RUFY4: variants seen among roughly 807,000 people sequenced by gnomAD.
The protein encoded by RUFY4 is RUN and FYVE domain containing 4, also known as RUN and FYVE domain-containing protein 4.
In RUFY4, 73 loss-of-function variants were observed where a neutral mutation model predicts 69.0. The ratio of observed to expected loss-of-function variants is 1.06; its 90% CI spans 0.88 to 1.29. The LOEUF is 1.29. Among genes scored for constraint, RUFY4 ranks in the 50% most tolerant of loss-of-function variants. The pLI is 0.00. For missense variants in RUFY4, 770 were observed against 705.6 expected (o/e 1.09, Z -1.03); for synonymous variants, 287 against 271.8 (o/e 1.06, Z -0.55).
chr2:218,055,131 A>G (rs1421668253), intron 2 of RUFY4, among the ~76,000 whole-genome samples: 2 of 152,246 alleles, frequency 1.3e-5, no homozygotes, highest in Non-Finnish European at 2.9e-5. Context: ...ACATTGGCTC[A>G]TGCCTGTAAT....
upstream of RUFY4, among the ~76,000 whole-genome samples, chr2:218,066,080 T>G (rs1431783232): frequency 6.6e-6 from 1 of 151,110 alleles, no homozygotes; most frequent in African/African-American, 2.4e-5. Flanking sequence ...GAGACACAGG[T>G]GCAGAGAAAT....
At chr2:218,090,508 T>C (rs1690008481) in exon 11 of RUFY4, 1 of 168,232 alleles carries the variant, frequency 5.9e-6, no homozygotes, top group Non-Finnish European at 1.3e-5. Flanking sequence ...TTCAGGGATC[T>C]GTGTTTGTGT....
rs749427186 is a variant in RUFY4, at chr2:218,060,783, A to T, written c.-1071+2102A>T. On this transcript the variant is annotated intron_variant and NMD_transcript_variant, in intron 3 of 13. Transcript: ENST00000457754. ...GATGAAGCCAAAGGACTGGGGCAGG[A>T]TCCGTAACAGCATCCACCAGTTTGC... The T allele has an allele frequency of 1.0e-5, 16 of 1,576,978 alleles. 1 individual carries two copies. The highest frequency in any genetic ancestry group is 2.2e-5 in the East Asian group (1 of 44,620).
At chr2:218,078,376 G>A (rs1409684738) in intron 8 of RUFY4, among the ~76,000 whole-genome samples, 1 of 152,218 alleles carries the variant, frequency 6.6e-6, no homozygotes. Flanking sequence ...GTTCCAGGCT[G>A]CGAGAACAGC....
Position 218,082,893 on chromosome 2 carries a change from G to A in RUFY4, c.1356-217G>A, listed in dbSNP as rs370630283. On this transcript the variant is annotated intron_variant, in intron 8 of 10. Coordinates refer to ENST00000344321, the Ensembl canonical transcript of RUFY4. ...TGTAAGTGTGTCTTCTGTGTTGTGC[G>A]TATGTGTTCTGTTATACTATGTGTG... Among the ~76,000 whole-genome samples, 25 of 3,562 alleles carry A rather than the reference G, an allele frequency of 7.0e-3. No homozygotes were observed. The East Asian group carries it at 0.11, about 16-fold the overall frequency. 2.3% of individuals were successfully genotyped at this position (3,562 alleles called of 152,430 possible).
rs77844068 is a variant in RUFY4, at chr2:218,075,673, A to G, written c.1181A>G (p.Gln394Arg). 12,330 of 1,492,568 alleles carry G rather than the reference A, an allele frequency of 8.3e-3. 877 individuals are homozygous for G. In the African/African-American group the frequency reaches 0.16, roughly 19 times the overall value. 92.5% of individuals were successfully genotyped at this position (1,492,568 alleles called of 1,614,324 possible). ...TCTACCGTGGAGAATCCACAAGTGC[A>G]AACAGAAGTGACCCTTGTGGCCAGA... The change falls in exon 7 of 11, where the codon CAA (glutamine) becomes CGA (arginine). Residue 394 changes from glutamine (Q) to arginine (R), a missense_variant. Gln to Arg is a conservative substitution (Grantham distance 43). Coordinates refer to ENST00000344321, the Ensembl canonical transcript of RUFY4.
At chr2:218,065,940 T>G (rs1183668989), upstream of RUFY4, among the ~76,000 whole-genome samples, 1 of 150,238 alleles carries the variant, frequency 6.7e-6, no homozygotes, top group African/African-American at 2.5e-5. Flanking sequence ...TGGCTGCCCC[T>G]CCTTCAGCCA....
chr2:218,075,760 A>G lies in RUFY4; in HGVS notation c.1248+20A>G. The G allele has an allele frequency of 7.2e-7, 1 of 1,381,566 alleles. No individual in the cohort carries two copies. The highest frequency in any genetic ancestry group is 2.3e-5 in the South Asian group (1 of 43,142). The allele number at this position is 1,381,566 out of a possible 1,614,324, so 85.6% of individuals were successfully genotyped here. On this transcript the variant is annotated intron_variant, in intron 7 of 10. Transcript: ENST00000344321. ...ATCAAGGTGAGAACAGTTGAGCTCC[A>G]TACCTGGTTATTTGCCCCTGTCTGA...
At chr2:218,083,841 C>T (rs1689827606) in intron 9 of RUFY4, among the ~76,000 whole-genome samples, 1 of 151,630 alleles carries the variant, frequency 6.6e-6, no homozygotes, top group Non-Finnish European at 1.5e-5. Flanking sequence ...CCAGACCCAC[C>T]CCCACATACA....
intron 9 of RUFY4, among the ~76,000 whole-genome samples, chr2:218,084,237 T>C (rs1487104299): frequency 6.6e-6 from 1 of 151,662 alleles, no homozygotes; most frequent in African/African-American, 2.4e-5. Flanking sequence ...TTTGTTTGCT[T>C]GTTTTTTTTT....
chr2:218,073,232 T>C lies in RUFY4; in HGVS notation c.387-11T>C. ...GTCAAAGGCCAAGGGTTCTGATCAC[T>C]GTTAACACAGGGAATGGTATGGACC... On this transcript the variant is annotated splice_polypyrimidine_tract_variant and intron_variant, in intron 4 of 10. Transcript: ENST00000344321. The C allele has an allele frequency of 1.9e-6, 3 of 1,550,074 alleles. No individual in the cohort carries two copies. The highest frequency in any genetic ancestry group is 2.6e-6 in the Non-Finnish European group (3 of 1,146,982).
chr2:218,078,112 C>T lies in RUFY4; in HGVS notation c.1355+1579C>T, dbSNP rs116391108. Among the ~76,000 whole-genome samples, 1,460 of 152,310 alleles carry T rather than the reference C, an allele frequency of 9.6e-3. 29 individuals are homozygous for T. The highest frequency in any genetic ancestry group is 0.033 in the African/African-American group (1,352 of 41,556). ...CCTCTCACAGACAAAACAGGCCAAA[C>T]GCCTGCCCTCATGGAGCTTGCATTC... On this transcript the variant is annotated intron_variant, in intron 8 of 10. Transcript: ENST00000344321.
intron 6 of RUFY4, among the ~76,000 whole-genome samples, chr2:218,074,438 G>A (rs550569797): frequency 1.3e-5 from 2 of 152,124 alleles, no homozygotes; most frequent in Non-Finnish European, 2.9e-5. Flanking sequence ...ACAGTGTGTG[G>A]TCACCGTCGT....
intron 2 of RUFY4, among the ~76,000 whole-genome samples, chr2:218,036,830 C>G (rs543590777): frequency 6.6e-6 from 1 of 152,336 alleles, no homozygotes; most frequent in Middle Eastern, 3.4e-3. Flanking sequence ...GTTATGGCAT[C>G]AGGTATTTTG....
chr2:218,039,365 T>C (rs1025754952), intron 2 of RUFY4, among the ~76,000 whole-genome samples: 1 of 152,124 alleles, frequency 6.6e-6, no homozygotes, highest in Non-Finnish European at 1.5e-5. Context: ...CCAAAAGCAA[T>C]AGACAATGAA....
At chr2:218,044,188 G>T (rs957535867) in intron 2 of RUFY4, among the ~76,000 whole-genome samples, 1 of 152,158 alleles carries the variant, frequency 6.6e-6, no homozygotes, top group African/African-American at 2.4e-5. Flanking sequence ...CCAGGGGTGG[G>T]GCTCCTGCCT....
intron 8 of RUFY4, among the ~76,000 whole-genome samples, chr2:218,078,623 A>T (rs1427368110): frequency 2.0e-5 from 3 of 152,206 alleles, no homozygotes; most frequent in Admixed American, 2.0e-4. Context: ...TTTTAATGTC[A>T]AAAAGATGTT....
At chr2:218,048,179 A>G (rs1354971210) in intron 2 of RUFY4, among the ~76,000 whole-genome samples, 2 of 152,100 alleles carry the variant, frequency 1.3e-5, no homozygotes, top group Non-Finnish European at 2.9e-5. Flanking sequence ...TTTGATTTGA[A>G]TTTCTCTAAT....
chr2:218,060,590 C>T, intron 3 of RUFY4: 3 of 1,339,808 alleles, frequency 2.2e-6, no homozygotes, highest in South Asian at 1.2e-5. Context: ...ATCTGGGTTC[C>T]CATGAGGGTG....
Sources: gnomAD v4.1 joint callset for allele counts (sites outside exome capture counted in the v4.1 genomes callset) on GRCh38, gnomAD v4.1.1 for gene constraint, MANE v1.5 for transcripts, NCBI Gene and HGNC (gene_info 2026-07-23, HGNC 2026-07-21) for gene names.